The following ZC3H11C variants were observed in gnomAD, a reference collection of about 807,000 sequenced individuals.
ZC3H11C encodes zinc finger CCCH-type containing 11C, also known as zinc finger CCCH domain-containing protein 11C.
chr6:65,301,583 G>A, the ZC3H11C span, among the ~76,000 whole-genome samples: 1 of 152,214 alleles, frequency 6.6e-6, no homozygotes, highest in Non-Finnish European at 1.5e-5. Context: ...TAGTGTCATC[G>A]GTTCGGGTCC....
chr6:65,302,181 A>C, the ZC3H11C span, among the ~76,000 whole-genome samples: 1 of 152,170 alleles, frequency 6.6e-6, no homozygotes, highest in Non-Finnish European at 1.5e-5. Flanking sequence ...TTAATCTCCC[A>C]GTAGTTGGGA....
At chr6:65,302,261 AT>A in the ZC3H11C span, among the ~76,000 whole-genome samples, 1 of 151,904 alleles carries the variant, frequency 6.6e-6, no homozygotes, top group Non-Finnish European at 1.5e-5. Context: ...GAGGAGGAAA[AT>A]TTTTTCTGCT....
the ZC3H11C span, among the ~76,000 whole-genome samples, chr6:65,305,430 T>A: frequency 1.3e-5 from 2 of 152,280 alleles, no homozygotes; most frequent in African/African-American, 4.8e-5. Context: ...ACCCACTCAG[T>A]CTGTGTTAGA....
At chr6:65,306,122 G>A in the ZC3H11C span, among the ~76,000 whole-genome samples, 1 of 152,196 alleles carries the variant, frequency 6.6e-6, no homozygotes, top group African/African-American at 2.4e-5. Context: ...TAATCAGGAG[G>A]AAGAGGAAGG....
the ZC3H11C span, among the ~76,000 whole-genome samples, chr6:65,301,546 G>T: frequency 6.6e-6 from 1 of 152,236 alleles, no homozygotes; most frequent in Non-Finnish European, 1.5e-5. Context: ...CGAGAAGAAA[G>T]ACGTGGCAGC....
the ZC3H11C span, among the ~76,000 whole-genome samples, chr6:65,306,105 T>A: frequency 6.6e-6 from 1 of 152,136 alleles, no homozygotes; most frequent in Non-Finnish European, 1.5e-5. Context: ...AGGAGATATG[T>A]TGTATATAAT....
At chr6:65,302,419 G>A in the ZC3H11C span, 1 of 638,948 alleles carries the variant, frequency 1.6e-6, no homozygotes, top group Non-Finnish European at 2.8e-6. Context: ...GTTGTCATTT[G>A]GAAGATTAAA....
the ZC3H11C span, among the ~76,000 whole-genome samples, chr6:65,302,070 C>A: frequency 6.6e-6 from 1 of 152,206 alleles, no homozygotes; most frequent in East Asian, 1.9e-4. Context: ...GATCCTTTGA[C>A]TCTCAAGTTC....
At chr6:65,302,078 T>C in the ZC3H11C span, among the ~76,000 whole-genome samples, 4 of 152,262 alleles carry the variant, frequency 2.6e-5, no homozygotes, top group Non-Finnish European at 4.4e-5. Flanking sequence ...GACTCTCAAG[T>C]TCATCTTTAA....
At chr6:65,305,401 G>A in the ZC3H11C span, among the ~76,000 whole-genome samples, 1 of 152,118 alleles carries the variant, frequency 6.6e-6, no homozygotes, top group African/African-American at 2.4e-5. Context: ...CAAATTTTAT[G>A]CTACCACTAA....
the ZC3H11C span, among the ~76,000 whole-genome samples, chr6:65,305,209 C>T: frequency 6.6e-6 from 1 of 151,812 alleles, no homozygotes; most frequent in South Asian, 2.1e-4. Context: ...ATACCCTTCT[C>T]TCCACAAAAA....
At chr6:65,305,239 A>G in the ZC3H11C span, among the ~76,000 whole-genome samples, 3 of 152,184 alleles carry the variant, frequency 2.0e-5, no homozygotes, top group African/African-American at 7.2e-5. Context: ...GAGGGAGATC[A>G]AGTGAAAGGG....
the ZC3H11C span, among the ~76,000 whole-genome samples, chr6:65,301,881 A>G: frequency 6.6e-6 from 1 of 152,236 alleles, no homozygotes; most frequent in South Asian, 2.1e-4. Context: ...CTGTGGAACT[A>G]GAGATAGTGA....
chr6:65,303,343 C>G, the ZC3H11C span: 1 of 800,440 alleles, frequency 1.2e-6, no homozygotes, highest in Non-Finnish European at 2.3e-6. Flanking sequence ...GAGAAGAACC[C>G]TTGGTTAGAT....
At chr6:65,304,289 AC>A in the ZC3H11C span, 26 of 534,320 alleles carry the variant, frequency 4.9e-5, no homozygotes, top group Non-Finnish European at 8.5e-5. Context: ...CTCTTGCAAT[AC>A]CCAAGTGGCA....
the ZC3H11C span, among the ~76,000 whole-genome samples, chr6:65,305,444 T>C: frequency 6.6e-6 from 1 of 152,220 alleles, no homozygotes; most frequent in Non-Finnish European, 1.5e-5. Context: ...TGTTAGATTG[T>C]ATGTCTTTTT....
At chr6:65,305,529 C>T in the ZC3H11C span, among the ~76,000 whole-genome samples, 1 of 152,272 alleles carries the variant, frequency 6.6e-6, no homozygotes, top group East Asian at 1.9e-4. Context: ...GGGCATAACT[C>T]TTTGGACCTG....
At chr6:65,301,778 A>G in the ZC3H11C span, among the ~76,000 whole-genome samples, 1 of 152,218 alleles carries the variant, frequency 6.6e-6, no homozygotes, top group African/African-American at 2.4e-5. Context: ...GAACACCCCT[A>G]AACTCCCATA....
chr6:65,303,736 C>T, the ZC3H11C span: 1 of 549,896 alleles, frequency 1.8e-6, no homozygotes, highest in Non-Finnish European at 3.1e-6. Context: ...GTATCAAAAC[C>T]TTCTCTGAGG....
Sources: gnomAD v4.1 joint callset for allele counts (sites outside exome capture counted in the v4.1 genomes callset) on GRCh38, gnomAD v4.1.1 for gene constraint, MANE v1.5 for transcripts, NCBI Gene and HGNC (gene_info 2026-07-23, HGNC 2026-07-21) for gene names.